The following DIP2C variants were observed in gnomAD, a reference collection of about 807,000 sequenced individuals.
DIP2C encodes disco-interacting protein 2 homolog C.
DIP2C carries 33 observed loss-of-function variants against 192.4 expected under a neutral mutation model. The observed-to-expected ratio is 0.17, with a 90% CI of 0.13 to 0.23. The LOEUF (loss-of-function observed/expected upper bound fraction) is 0.23. Among genes scored for constraint, DIP2C ranks in the 10% least tolerant of loss-of-function variants. The pLI, the probability that DIP2C is intolerant of heterozygous loss-of-function variation, is 1.00. For synonymous variants in DIP2C, 979 were observed against 864.1 expected (o/e 1.13, Z -2.33); for missense variants, 1,537 against 2,110.1 (o/e 0.73, Z 5.32).
chr10:679,500 ACACCCG>A (rs1831039937), intron 1 of DIP2C, among the ~76,000 whole-genome samples: 2 of 3,006 alleles, frequency 6.7e-4, no homozygotes, highest in Non-Finnish European at 1.4e-3. Context: ...CCTGCTCCCC[ACACCCG>A]TGCTCCCCAC....
At chr10:356,101 T>G (rs1487563480) in intron 24 of DIP2C, among the ~76,000 whole-genome samples, 2 of 152,132 alleles carry the variant, frequency 1.3e-5, no homozygotes, top group Non-Finnish European at 2.9e-5. Flanking sequence ...AAACAAAAAC[T>G]AGTTTAGTAA....
intron 11 of DIP2C, 53 bp downstream of exon 11, chr10:390,687 G>A (rs1002636925): frequency 3.2e-5 from 50 of 1,584,206 alleles, no homozygotes; most frequent in Non-Finnish European, 4.0e-5. Context: ...TCCCGCACCC[G>A]TCTTCTGACA....
chr10:602,902 C>T (rs1019798179), intron 1 of DIP2C, among the ~76,000 whole-genome samples: 1 of 152,160 alleles, frequency 6.6e-6, no homozygotes, highest in African/African-American at 2.4e-5. Flanking sequence ...GTCTAAGCTT[C>T]AGTCTCCCGC....
chr10:283,563 G>A, intron 34 of DIP2C, 117 bp from the exon 35 acceptor site: 1 of 1,262,910 alleles, frequency 7.9e-7, no homozygotes, highest in Non-Finnish European at 1.1e-6. Flanking sequence ...CGTTTCCTTG[G>A]ACTGAATAAC....
At position 369,506 on chromosome 10, in the gene DIP2C, C is replaced by A. The variant is rs1326148371; in HGVS notation, c.2119G>T (p.Val707Leu). 2 of 1,548,518 alleles carry A rather than the reference C, an allele frequency of 1.3e-6. No homozygotes were observed. Among genetic ancestry groups the A allele is most frequent in the Non-Finnish European group, 1.7e-6 (2 of 1,144,164 alleles). Residue 707 changes from valine (V) to leucine (L), a missense_variant, in exon 18 of 37, where the codon GTG becomes TTG. Physicochemically the swap from Val to Leu is conservative, Grantham distance 32. Coordinates refer to ENST00000280886, the MANE Select transcript of DIP2C (RefSeq NM_014974.3). Reference protein sequence around the residue: ...SVLTVQDVGLVMPGAIMCSVK... With the variant: ...SVLTVQDVGLLMPGAIMCSVK... ...GACCCACACTCACCTCCAGGCATCA[C>A]GAGGCCGACATCCTGCACGGTGAGC...
chr10:355,387 G>A (rs145956585), intron 24 of DIP2C, among the ~76,000 whole-genome samples: 5 of 152,190 alleles, frequency 3.3e-5, no homozygotes, highest in South Asian at 2.1e-4. Context: ...CCAGAGAGTC[G>A]GGGAATAATT....
At chr10:664,946 C>T (rs866254502) in intron 1 of DIP2C, 2 of 152,060 alleles carry the variant, frequency 1.3e-5, no homozygotes, top group Non-Finnish European at 1.5e-5. Context: ...ACCTTTATAA[C>T]GATGTTTTAA....
chr10:642,720 CCAGCT>C (rs567929042), intron 1 of DIP2C, among the ~76,000 whole-genome samples: 161 of 152,354 alleles, frequency 1.1e-3, no homozygotes, highest in African/African-American at 3.8e-3. Context: ...GTCTCACAGA[CCAGCT>C]CCACTCTCAC....
At chr10:365,730 C>A (rs528752331) in intron 19 of DIP2C, among the ~76,000 whole-genome samples, 1 of 152,374 alleles carries the variant, frequency 6.6e-6, no homozygotes, top group South Asian at 2.1e-4. Flanking sequence ...ACGCCCCATG[C>A]ACGCACATTA....
At chr10:471,602 G>A (rs569186692) in intron 3 of DIP2C, among the ~76,000 whole-genome samples, 44 of 152,270 alleles carry the variant, frequency 2.9e-4, no homozygotes, top group South Asian at 1.5e-3. Context: ...TTCACGAATC[G>A]GGTCCATCAC....
chr10:517,059 G>A (rs1035758011), intron 1 of DIP2C, among the ~76,000 whole-genome samples: 2 of 151,822 alleles, frequency 1.3e-5, no homozygotes, highest in Non-Finnish European at 2.9e-5. Flanking sequence ...CAGAGGTTCA[G>A]GTCTAGTGGC....
At chr10:497,257 C>G (rs1034267592) in intron 1 of DIP2C, among the ~76,000 whole-genome samples, 7 of 152,196 alleles carry the variant, frequency 4.6e-5, no homozygotes, top group Non-Finnish European at 7.3e-5. Context: ...ACAGGTTAGG[C>G]CATTCTTTTC....
At chr10:541,237 A>T (rs1221314271) in intron 1 of DIP2C, among the ~76,000 whole-genome samples, 2 of 152,176 alleles carry the variant, frequency 1.3e-5, no homozygotes, top group East Asian at 3.9e-4. Flanking sequence ...GCCGACATCC[A>T]CTCTGGCTGA....
intron 1 of DIP2C, among the ~76,000 whole-genome samples, chr10:525,083 G>C (rs1391270222): frequency 6.6e-6 from 1 of 152,002 alleles, no homozygotes. Flanking sequence ...AGTTTGGATG[G>C]AACATGACAT....
chr10:364,661 G>A (rs557855415), intron 19 of DIP2C, 79 bp from the exon 20 acceptor site: 106 of 1,469,574 alleles, frequency 7.2e-5, no homozygotes, highest in South Asian at 3.2e-4. Flanking sequence ...CTGGGAGCAC[G>A]GCACCTGCTT....
At chr10:642,435 A>G (rs1855239704) in intron 1 of DIP2C, among the ~76,000 whole-genome samples, 1 of 152,260 alleles carries the variant, frequency 6.6e-6, no homozygotes, top group South Asian at 2.1e-4. Context: ...GGGAGGAGCC[A>G]CACGGGGCAG....
At chr10:504,957 C>CT (rs1491266173) in intron 1 of DIP2C, among the ~76,000 whole-genome samples, 1 of 152,158 alleles carries the variant, frequency 6.6e-6, no homozygotes, top group Non-Finnish European at 1.5e-5. Flanking sequence ...GCTCATGTGA[C>CT]TCTCAGTGCT....
At chr10:406,176 A>T (rs1316663032) in intron 9 of DIP2C, among the ~76,000 whole-genome samples, 1 of 152,258 alleles carries the variant, frequency 6.6e-6, no homozygotes, top group Non-Finnish European at 1.5e-5. Flanking sequence ...AACTCTTAAG[A>T]CTACAAACCA....
intron 1 of DIP2C, among the ~76,000 whole-genome samples, chr10:619,687 T>C (rs1313840436): frequency 1.3e-5 from 2 of 152,162 alleles, no homozygotes; most frequent in Non-Finnish European, 2.9e-5. Context: ...TCATGGGCCA[T>C]GGACCACTCC....
Sources: gnomAD v4.1 joint callset for allele counts (sites outside exome capture counted in the v4.1 genomes callset) on GRCh38, gnomAD v4.1.1 for gene constraint, MANE v1.5 for transcripts, NCBI Gene and HGNC (gene_info 2026-07-23, HGNC 2026-07-21) for gene names.